Variants in MAP7D2 observed in about 807,000 individuals in gnomAD.
MAP7D2 encodes MAP7 domain-containing protein 2.
A neutral mutation model predicts 63.5 loss-of-function variants in MAP7D2; 33 were observed. The ratio of observed to expected loss-of-function variants is 0.52; its 90% confidence interval spans 0.39 to 0.70. MAP7D2 has a LOEUF of 0.70. Among genes scored for constraint, MAP7D2 ranks in the 30% least tolerant of loss-of-function variants. The pLI, the probability that MAP7D2 is intolerant of heterozygous loss-of-function variation, is 0.00. For missense variants in MAP7D2, 626 were observed against 604.0 expected, an observed-to-expected ratio of 1.04 and a Z score of -0.38; for synonymous variants, 224 against 223.7, an observed-to-expected ratio of 1.00 and a Z score of -0.01.
At chrX:20,040,885 G>A (rs2064636241) in intron 8 of MAP7D2, among the ~76,000 whole-genome samples, 1 of 111,090 alleles carries the variant, frequency 9.0e-6, no homozygotes, top group African/African-American at 3.3e-5. Flanking sequence ...AAATGGCATC[G>A]ACAGACATGC....
intron 1 of MAP7D2, among the ~76,000 whole-genome samples, chrX:20,080,638 C>T (rs1376213906): frequency 9.0e-6 from 1 of 110,867 alleles, no homozygotes; most frequent in Non-Finnish European, 1.9e-5. Context: ...GAAGAGCACC[C>T]CCACATCCCC....
At chrX:20,040,443 C>G (rs1345124466) in intron 8 of MAP7D2, among the ~76,000 whole-genome samples, 2 of 111,930 alleles carry the variant, frequency 1.8e-5, no homozygotes, top group African/African-American at 6.5e-5. Context: ...CATGACTTGG[C>G]TAACTGGTGC....
At chrX:20,112,009 CG>C (rs761392196) in intron 1 of MAP7D2, among the ~76,000 whole-genome samples, 57 of 111,879 alleles carry the variant, frequency 5.1e-4, no homozygotes, top group Admixed American at 9.5e-4. Context: ...TGAGTGCAAG[CG>C]ATCTGTGGGC....
rs145490108 is a variant in MAP7D2 at position 20,077,137 on chromosome X, C to A, written c.131-12332G>T. 7.9e-3 allele frequency among the ~76,000 whole-genome samples: 887 copies of A among 112,137 alleles called. 9 individuals are homozygous for A. Among genetic ancestry groups the A allele is most frequent in the African/African-American group, 0.027 (847 of 30,865 alleles). On this transcript the variant is annotated intron_variant, in intron 1 of 16. Coordinates refer to ENST00000379643, the MANE Select transcript of MAP7D2 (RefSeq NM_001168465.2). ...CACCATTCTGCCACAAAATCCTCTA[C>A]ACACGGTTATCAGAAGAAGGTACAA...
intron 1 of MAP7D2, among the ~76,000 whole-genome samples, chrX:20,108,345 G>C (rs1201105417): frequency 9.2e-6 from 1 of 108,907 alleles, no homozygotes; most frequent in Non-Finnish European, 1.9e-5. Context: ...AGCGATTCTC[G>C]TGCCGCCGCT....
chrX:20,034,407 C>T (rs2074153633), intron 8 of MAP7D2, among the ~76,000 whole-genome samples: 1 of 110,128 alleles, frequency 9.1e-6, no homozygotes, highest in Admixed American at 9.7e-5. Flanking sequence ...TGCCAGGTGA[C>T]CCTGCCCTTG....
chrX:20,046,156 A>G (rs769282084), intron 6 of MAP7D2, among the ~76,000 whole-genome samples: 1 of 112,190 alleles, frequency 8.9e-6, no homozygotes, highest in African/African-American at 3.2e-5. Context: ...AGGAAAAGAC[A>G]TGCTTCTGGA....
At chrX:20,034,611 C>T (rs1484962128) in intron 8 of MAP7D2, among the ~76,000 whole-genome samples, 2 of 111,373 alleles carry the variant, frequency 1.8e-5, no homozygotes, top group Non-Finnish European at 3.8e-5. Flanking sequence ...ATAAAAGAGA[C>T]CCCAGAGAGC....
intron 1 of MAP7D2, among the ~76,000 whole-genome samples, chrX:20,103,112 C>T (rs182289547): frequency 1.9e-4 from 21 of 111,808 alleles, no homozygotes; most frequent in Non-Finnish European, 3.2e-4. Context: ...CTTCCTGCCA[C>T]GGGGTTCTCT....
chrX:20,062,341 A>G (rs946298153), intron 3 of MAP7D2, among the ~76,000 whole-genome samples: 5 of 111,490 alleles, frequency 4.5e-5, no homozygotes, highest in African/African-American at 1.6e-4. Context: ...CAGCAATCAG[A>G]CTGCAGCCAA....
intron 10 of MAP7D2, 134 bp from the exon 11 acceptor site, chrX:20,016,459 A>G: frequency 1.8e-6 from 1 of 569,984 alleles, no homozygotes. Context: ...CATTCATTTA[A>G]TAACATGATT....
intron 8 of MAP7D2, among the ~76,000 whole-genome samples, chrX:20,038,095 C>A (rs2064547425): frequency 8.9e-6 from 1 of 111,986 alleles, no homozygotes; most frequent in African/African-American, 3.3e-5. Context: ...CCTCGATATG[C>A]ACCATTCCTC....
chrX:20,107,299 G>A (rs1206800442), intron 1 of MAP7D2, among the ~76,000 whole-genome samples: 3 of 110,896 alleles, frequency 2.7e-5, no homozygotes, highest in Admixed American at 1.9e-4. Context: ...GGCTGGGCGC[G>A]GTGGCTCAAA....
chrX:20,025,099 G>A lies in MAP7D2; in HGVS notation c.1280-16C>T. On this transcript the variant is annotated splice_polypyrimidine_tract_variant and intron_variant, in intron 9 of 16. Coordinates refer to ENST00000379643, the MANE Select transcript of MAP7D2 (RefSeq NM_001168465.2). ...TTCCCCAAGGCTGCACCAGAGGAGA[G>A]GCATCAAGAGGAAAAGATCAAGGGA... is the stretch of plus-strand genomic sequence containing the variant. 1 of 1,188,795 alleles carries A rather than the reference G, an allele frequency of 8.4e-7. No individual in the cohort carries two copies. The highest frequency in any genetic ancestry group is 1.1e-6 in the Non-Finnish European group (1 of 887,193).
In MAP7D2 at chrX:20,052,936, A is replaced by C. The variant is rs770698854; in HGVS notation, c.537T>G (p.Pro179=). ...ATGAAGACAGGCGTTTATTCATGGG[A>C]GGCTCCGTTGGCTTTGGCAAACTCA... The part of the protein sequence containing the change: ...STMSLPKPTE[P]PMNKRLSSST... Residue 179 remains proline (P), a synonymous_variant, in exon 5 of 17, where the codon CCT becomes CCG. Coordinates refer to ENST00000379643, the MANE Select transcript of MAP7D2 (RefSeq NM_001168465.2). The C allele has an allele frequency of 1.7e-6, 2 of 1,211,733 alleles. No individual in the cohort carries two copies. The highest frequency in any genetic ancestry group is 4.3e-5 in the Admixed American group (2 of 46,092).
At chrX:20,055,726 G>A (rs773355126) in intron 4 of MAP7D2, 14 of 964,446 alleles carry the variant, frequency 1.5e-5, no homozygotes, top group South Asian at 5.9e-5. Context: ...AGTGATGCTC[G>A]GATATACCGT....
chrX:20,108,027 C>T (rs1468630124), intron 1 of MAP7D2, among the ~76,000 whole-genome samples: 1 of 111,300 alleles, frequency 9.0e-6, no homozygotes, highest in African/African-American at 3.3e-5. Context: ...GAAATACTGG[C>T]CCAGGGCAGA....
At chrX:20,100,143 G>A (rs1009117543) in intron 1 of MAP7D2, among the ~76,000 whole-genome samples, 2 of 112,035 alleles carry the variant, frequency 1.8e-5, no homozygotes, top group Non-Finnish European at 3.8e-5. Context: ...TATATAGCCT[G>A]CTCATGAAGT....
intron 1 of MAP7D2, among the ~76,000 whole-genome samples, chrX:20,113,604 G>A (rs1367122822): frequency 8.9e-6 from 1 of 111,963 alleles, no homozygotes; most frequent in Non-Finnish European, 1.9e-5. Context: ...TTTGAAAAAG[G>A]ATGAAGAACT....
Sources: gnomAD v4.1 joint callset for allele counts (sites outside exome capture counted in the v4.1 genomes callset) on GRCh38, gnomAD v4.1.1 for gene constraint, MANE v1.5 for transcripts, NCBI Gene and HGNC (gene_info 2026-07-23, HGNC 2026-07-21) for gene names.